PTPRD: variants seen among roughly 807,000 people sequenced by gnomAD.
PTPRD encodes receptor-type tyrosine-protein phosphatase delta.
In PTPRD, 34 loss-of-function variants were observed where a neutral mutation model predicts 214.5. That is an observed-to-expected ratio of 0.16 (90% CI 0.12 to 0.21). PTPRD has a LOEUF of 0.21. Among genes scored for constraint, PTPRD ranks in the 10% least tolerant of loss-of-function variants. The pLI is 1.00. For synonymous variants in PTPRD, 1,128 were observed against 845.7 expected, an observed-to-expected ratio of 1.33 and a Z score of -5.79; for missense variants, 2,545 against 2,398.7, an observed-to-expected ratio of 1.06 and a Z score of -1.27.
chr9:10,318,861 C>T (rs1279057782), intron 3 of PTPRD, among the ~76,000 whole-genome samples: 1 of 152,028 alleles, frequency 6.6e-6, no homozygotes, highest in Non-Finnish European at 1.5e-5. Flanking sequence ...GAGAATGTTT[C>T]CTTGTCAGGC....
intron 9 of PTPRD, among the ~76,000 whole-genome samples, chr9:9,205,688 T>C (rs2099944419): frequency 6.6e-6 from 1 of 152,230 alleles, no homozygotes; most frequent in African/African-American, 2.4e-5. Flanking sequence ...TATTTCTGTA[T>C]GCTGTAATTG....
intron 7 of PTPRD, among the ~76,000 whole-genome samples, chr9:9,579,729 G>T (rs1465296130): frequency 1.3e-5 from 2 of 152,100 alleles, no homozygotes; most frequent in Non-Finnish European, 1.5e-5. Context: ...AATTTGAGGG[G>T]TATAAGTATA....
intron 3 of PTPRD, among the ~76,000 whole-genome samples, chr9:10,193,153 C>T (rs2099379820): frequency 6.6e-6 from 1 of 151,976 alleles, no homozygotes; most frequent in Non-Finnish European, 1.5e-5. Flanking sequence ...GTTAAATGAT[C>T]TCTGGTCTTT....
intron 5 of PTPRD, among the ~76,000 whole-genome samples, chr9:9,878,838 TGAAGAG>T (rs1409247202): frequency 6.6e-6 from 1 of 152,138 alleles, no homozygotes; most frequent in Admixed American, 6.6e-5. Context: ...CTAAAAAAGA[TGAAGAG>T]GAAGAACCAT....
intron 11 of PTPRD, among the ~76,000 whole-genome samples, chr9:8,751,340 T>A (rs950088827): frequency 1.3e-5 from 2 of 152,064 alleles, no homozygotes; most frequent in African/African-American, 4.8e-5. Context: ...ACGGTCAGCA[T>A]TACGGATCTC....
chr9:8,626,571 G>A (rs925063694), intron 14 of PTPRD, among the ~76,000 whole-genome samples: 15 of 151,758 alleles, frequency 9.9e-5, no homozygotes, highest in Non-Finnish European at 1.5e-4. Flanking sequence ...TTTTGGATGC[G>A]ATTAACATTT....
intron 5 of PTPRD, among the ~76,000 whole-genome samples, chr9:9,893,492 A>G (rs1018430152): frequency 6.6e-6 from 1 of 152,140 alleles, no homozygotes; most frequent in Non-Finnish European, 1.5e-5. Flanking sequence ...TGCTTTTAAT[A>G]ATGAAATATG....
intron 8 of PTPRD, among the ~76,000 whole-genome samples, chr9:9,483,159 A>G (rs1278291954): frequency 6.6e-6 from 1 of 152,180 alleles, no homozygotes; most frequent in East Asian, 1.9e-4. Flanking sequence ...TTGTCTTAGA[A>G]ATCATGCATA....
chr9:8,602,702 C>A (rs2094942020), intron 14 of PTPRD, among the ~76,000 whole-genome samples: 1 of 152,152 alleles, frequency 6.6e-6, no homozygotes, highest in Non-Finnish European at 1.5e-5. Flanking sequence ...CAACCTGCAT[C>A]AATATTTTTC....
chr9:9,333,946 C>G (rs556747459), intron 9 of PTPRD, among the ~76,000 whole-genome samples: 3 of 151,998 alleles, frequency 2.0e-5, no homozygotes, highest in African/African-American at 7.2e-5. Context: ...CTTCGATCCT[C>G]AATGTCGTGC....
intron 3 of PTPRD, among the ~76,000 whole-genome samples, chr9:10,209,431 A>G (rs1450545943): frequency 1.3e-5 from 2 of 152,196 alleles, no homozygotes; most frequent in Non-Finnish European, 2.9e-5. Context: ...TTCTTCATTT[A>G]GAACATTTGA....
At chr9:9,198,316 G>T (rs1415687752) in intron 9 of PTPRD, among the ~76,000 whole-genome samples, 1 of 151,936 alleles carries the variant, frequency 6.6e-6, no homozygotes, top group Non-Finnish European at 1.5e-5. Flanking sequence ...TAGAAAATAA[G>T]TTTGGTTAAT....
chr9:9,958,455 C>G (rs1445470935), intron 4 of PTPRD, among the ~76,000 whole-genome samples: 1 of 152,080 alleles, frequency 6.6e-6, no homozygotes, highest in Non-Finnish European at 1.5e-5. Flanking sequence ...TGCTTGAACC[C>G]AGGAGGCAGA....
chr9:10,182,448 A>C (rs1337621111), intron 3 of PTPRD, among the ~76,000 whole-genome samples: 1 of 151,966 alleles, frequency 6.6e-6, no homozygotes, highest in South Asian at 2.1e-4. Context: ...AAAATAGGGG[A>C]GATCAAATTG....
intron 3 of PTPRD, among the ~76,000 whole-genome samples, chr9:10,222,095 T>C (rs2099573210): frequency 6.6e-6 from 1 of 152,064 alleles, no homozygotes; most frequent in African/African-American, 2.4e-5. Context: ...AATCACAGTT[T>C]GCAAAATTGT....
chr9:10,413,382 C>G (rs1275911393), intron 2 of PTPRD, among the ~76,000 whole-genome samples: 1 of 151,810 alleles, frequency 6.6e-6, no homozygotes, highest in Non-Finnish European at 1.5e-5. Flanking sequence ...TAACAAAATA[C>G]TTAGAAAAAC....
chr9:9,159,878 A>G (rs773776480), intron 10 of PTPRD, among the ~76,000 whole-genome samples: 16 of 152,214 alleles, frequency 1.1e-4, no homozygotes, highest in Non-Finnish European at 1.6e-4. Context: ...AAAACCAGAG[A>G]GAAAGCCCAG....
chr9:9,620,553 A>G (rs1353752759), intron 7 of PTPRD, among the ~76,000 whole-genome samples: 1 of 152,086 alleles, frequency 6.6e-6, no homozygotes, highest in East Asian at 1.9e-4. Flanking sequence ...ATTTCTCATC[A>G]ATTTTTACAT....
chr9:9,719,987 T>C (rs2097907905), intron 7 of PTPRD, among the ~76,000 whole-genome samples: 1 of 152,122 alleles, frequency 6.6e-6, no homozygotes, highest in Non-Finnish European at 1.5e-5. Context: ...TTACACACCC[T>C]TGCCACTCCA....
Sources: gnomAD v4.1 joint callset for allele counts (sites outside exome capture counted in the v4.1 genomes callset) on GRCh38, gnomAD v4.1.1 for gene constraint, MANE v1.5 for transcripts, NCBI Gene and HGNC (gene_info 2026-07-23, HGNC 2026-07-21) for gene names.